MYO5B: variants seen among roughly 807,000 people sequenced by gnomAD.
MYO5B encodes myosin VB, also known as unconventional myosin-Vb.
MYO5B carries 143 observed loss-of-function variants against 229.3 expected under a neutral mutation model. The ratio of observed to expected loss-of-function variants is 0.62; its 90% CI spans 0.54 to 0.72. The LOEUF is 0.72. Among genes scored for constraint, MYO5B ranks in the 30% least tolerant of loss-of-function variants. MYO5B has a pLI of 0.00. For missense variants in MYO5B, 2,321 were observed against 2,331.0 expected (o/e 1.00, Z 0.09); for synonymous variants, 918 against 885.2 (o/e 1.04, Z -0.66).
At chr18:49,941,002 G>C in intron 14 of MYO5B, among the ~76,000 whole-genome samples, 1 of 152,208 alleles carries the variant, frequency 6.6e-6, no homozygotes, top group East Asian at 1.9e-4. Context: ...CAGTTTTAGA[G>C]TCAAGAGAAA....
At chr18:50,071,139 T>C (rs2030949137) in intron 1 of MYO5B, among the ~76,000 whole-genome samples, 1 of 152,208 alleles carries the variant, frequency 6.6e-6, no homozygotes, top group African/African-American at 2.4e-5. Flanking sequence ...CTATTTTAAA[T>C]CCTTCCTGAG....
chr18:49,954,352 C>T lies in MYO5B; in HGVS notation c.1629G>A (p.Met543Ile). The T allele has an allele frequency of 1.2e-6, 2 of 1,614,084 alleles. No individual in the cohort carries two copies. Among genetic ancestry groups the T allele is most frequent in the Non-Finnish European group, 1.7e-6 (2 of 1,179,978 alleles). ...GGACGATGATGAAGGCCGTGTTGGA[C>T]ATGCGGGGCTTCTGGAAGTGCTGGC... is the stretch of plus-strand genomic sequence containing the variant. ...SSSQHFQKPR[M>I]SNTAFIIVHF... Residue 543 changes from methionine (M) to isoleucine (I), a missense_variant, in exon 13 of 40, where the codon ATG (methionine) becomes ATA (isoleucine). Physicochemically the swap from Met to Ile is conservative, Grantham distance 10. Transcript: ENST00000285039.
chr18:50,049,874 C>A (rs759019235), intron 2 of MYO5B, among the ~76,000 whole-genome samples: 4 of 152,170 alleles, frequency 2.6e-5, no homozygotes, highest in Non-Finnish European at 5.9e-5. Flanking sequence ...GGGTACTCAG[C>A]TGCAGACAGA....
intron 2 of MYO5B, among the ~76,000 whole-genome samples, chr18:50,053,737 AAACAG>A (rs2030467003): frequency 6.6e-6 from 1 of 152,196 alleles, no homozygotes; most frequent in Non-Finnish European, 1.5e-5. Flanking sequence ...AGTTGATACA[AAACAG>A]AAGTTAGTGG....
chr18:49,942,191 T>G (rs1008398756), intron 14 of MYO5B, among the ~76,000 whole-genome samples: 5 of 150,928 alleles, frequency 3.3e-5, no homozygotes, highest in Admixed American at 2.0e-4. Flanking sequence ...TTAATTCAAG[T>G]TGGATTAAAG....
At chr18:50,020,395 T>A (rs1414462211) in intron 4 of MYO5B, among the ~76,000 whole-genome samples, 2 of 152,374 alleles carry the variant, frequency 1.3e-5, no homozygotes, top group East Asian at 3.9e-4. Context: ...CTCCTAGCTT[T>A]CCTCCTCCCC....
In MYO5B at chr18:49,937,256, C is replaced by G; in HGVS notation, c.1894G>C (p.Val632Leu). ...KVSNKEHKKTVGHQFRTSLHL... is the reference protein window; with the variant it reads ...KVSNKEHKKTLGHQFRTSLHL... ...GGTCCGGGGCTGACCTGGTGGCCAA[C>G]GGTTTTCTTGTGCTCCTTGTTGGAG... The change falls in exon 15 of 40, where the codon GTT becomes CTT. Residue 632 changes from valine (V) to leucine (L), a missense_variant. By Grantham distance (32) the Val-to-Leu change is conservative. Coordinates refer to ENST00000285039, the MANE Select transcript of MYO5B (RefSeq NM_001080467.3). 6.2e-7 allele frequency: 1 copy of G among 1,614,086 alleles called. No individual in the cohort carries two copies. Among genetic ancestry groups the G allele is most frequent in the Non-Finnish European group, 8.5e-7 (1 of 1,179,968 alleles).
chr18:49,993,256 T>C (rs939642908), intron 5 of MYO5B, among the ~76,000 whole-genome samples: 4 of 151,788 alleles, frequency 2.6e-5, no homozygotes, highest in Non-Finnish European at 5.9e-5. Context: ...TTCTCAATGG[T>C]CTAGAAAATT....
At chr18:49,855,352 G>A (rs891088994) in intron 30 of MYO5B, among the ~76,000 whole-genome samples, 1 of 152,166 alleles carries the variant, frequency 6.6e-6, no homozygotes, top group Non-Finnish European at 1.5e-5. Flanking sequence ...TTGAGGCCAC[G>A]ACCAGTGGCA....
chr18:49,913,373 G>A (rs148988286), intron 17 of MYO5B, among the ~76,000 whole-genome samples: 25 of 152,254 alleles, frequency 1.6e-4, no homozygotes, highest in African/African-American at 4.8e-4. Flanking sequence ...TCAATTTTTG[G>A]GAGGTATTCA....
At chr18:49,957,914 C>A (rs1370172639) in intron 12 of MYO5B, among the ~76,000 whole-genome samples, 1 of 152,048 alleles carries the variant, frequency 6.6e-6, no homozygotes, top group African/African-American at 2.4e-5. Flanking sequence ...TCTTTGCCAT[C>A]ACAGAAGCCC....
chr18:49,878,349 C>G (rs945594578), intron 24 of MYO5B, among the ~76,000 whole-genome samples: 1 of 151,760 alleles, frequency 6.6e-6, no homozygotes, highest in Non-Finnish European at 1.5e-5. Flanking sequence ...TTTCCTGCAT[C>G]TGATTTGGCT....
intron 7 of MYO5B, among the ~76,000 whole-genome samples, chr18:49,985,439 T>C (rs1311687873): frequency 6.6e-6 from 1 of 152,140 alleles, no homozygotes; most frequent in Non-Finnish European, 1.5e-5. Context: ...GCCCAGGTGG[T>C]GTCTTAAAAT....
At chr18:49,933,624 C>T (rs982446603) in intron 16 of MYO5B, among the ~76,000 whole-genome samples, 2 of 152,172 alleles carry the variant, frequency 1.3e-5, no homozygotes, top group African/African-American at 4.8e-5. Context: ...TGATGGGATG[C>T]TTGTAGCATC....
At chr18:50,174,039 C>T (rs562438625) in intron 1 of MYO5B, among the ~76,000 whole-genome samples, 1 of 152,118 alleles carries the variant, frequency 6.6e-6, no homozygotes, top group East Asian at 1.9e-4. Flanking sequence ...TCACCCAATC[C>T]ATTAAGGGCC....
chr18:49,931,099 T>A (rs2025185660), intron 16 of MYO5B, among the ~76,000 whole-genome samples: 1 of 152,202 alleles, frequency 6.6e-6, no homozygotes. Flanking sequence ...GCAGCTCAGC[T>A]GGAGCTAAGA....
intron 17 of MYO5B, among the ~76,000 whole-genome samples, chr18:49,912,579 G>A (rs1568028512): frequency 6.6e-6 from 1 of 152,168 alleles, no homozygotes; most frequent in Non-Finnish European, 1.5e-5. Context: ...TGTTCTGGTG[G>A]TAGTGAATAA....
chr18:50,191,622 G>A (rs1369786824), intron 1 of MYO5B, among the ~76,000 whole-genome samples: 4 of 152,132 alleles, frequency 2.6e-5, no homozygotes, highest in Non-Finnish European at 5.9e-5. Flanking sequence ...ATTAATTCTT[G>A]TTCTTCAAAA....
intron 39 of MYO5B, among the ~76,000 whole-genome samples, chr18:49,830,691 C>T (rs567462807): frequency 3.0e-4 from 45 of 151,904 alleles, no homozygotes; most frequent in African/African-American, 8.7e-4. Flanking sequence ...CTACTAAAAA[C>T]GCAAAAATTA....
Sources: gnomAD v4.1 joint callset for allele counts (sites outside exome capture counted in the v4.1 genomes callset) on GRCh38, gnomAD v4.1.1 for gene constraint, MANE v1.5 for transcripts, NCBI Gene and HGNC (gene_info 2026-07-23, HGNC 2026-07-21) for gene names.